GMDS: variants seen among roughly 807,000 people sequenced by gnomAD.
GMDS encodes the protein GDP-mannose 4,6 dehydratase.
In GMDS, 20 loss-of-function variants were observed where a neutral mutation model predicts 49.9. The observed-to-expected ratio is 0.40, with a 90% confidence interval of 0.28 to 0.58. The LOEUF (loss-of-function observed/expected upper bound fraction) is 0.58, where lower values mean the gene tolerates loss of function less well. Among genes scored for constraint, GMDS ranks in the 20% least tolerant of loss-of-function variants. GMDS has a pLI of 0.42. For missense variants in GMDS, 362 were observed against 481.4 expected (o/e 0.75, Z 2.32); for synonymous variants, 177 against 178.6 (o/e 0.99, Z 0.07).
intron 4 of GMDS, among the ~76,000 whole-genome samples, chr6:2,030,609 G>A (rs1282320534): frequency 3.9e-5 from 6 of 152,122 alleles, no homozygotes; most frequent in African/African-American, 7.2e-5. Flanking sequence ...AATGACATGT[G>A]CACACAGAAG....
chr6:2,063,651 A>G (rs1282354899), intron 4 of GMDS, among the ~76,000 whole-genome samples: 1 of 152,232 alleles, frequency 6.6e-6, no homozygotes, highest in African/African-American at 2.4e-5. Context: ...CAAACTCAAT[A>G]AAAGAGGTGA....
At chr6:1,628,146 T>A (rs906766776) in intron 9 of GMDS, among the ~76,000 whole-genome samples, 21 of 152,242 alleles carry the variant, frequency 1.4e-4, no homozygotes, top group African/African-American at 4.6e-4. Context: ...TTTTTTAGGC[T>A]TTCCTGGCTT....
At chr6:2,073,699 G>A (rs556113527) in intron 4 of GMDS, among the ~76,000 whole-genome samples, 4 of 151,940 alleles carry the variant, frequency 2.6e-5, no homozygotes, top group East Asian at 1.9e-4. Context: ...GGCATCTATC[G>A]TTCTACTCTT....
chr6:1,824,497 T>A (rs951456128), intron 7 of GMDS, among the ~76,000 whole-genome samples: 40 of 152,304 alleles, frequency 2.6e-4, no homozygotes, highest in Middle Eastern at 6.8e-3. Context: ...CGCCTGCTGA[T>A]CTGTGTTTTG....
chr6:2,195,559 G>A (rs1227944823), intron 1 of GMDS, among the ~76,000 whole-genome samples: 1 of 152,088 alleles, frequency 6.6e-6, no homozygotes, highest in Non-Finnish European at 1.5e-5. Context: ...CTTTTCAGGG[G>A]ATAAAGTAAG....
At chr6:1,946,039 T>A (rs1484493239) in intron 6 of GMDS, among the ~76,000 whole-genome samples, 4 of 152,190 alleles carry the variant, frequency 2.6e-5, no homozygotes, top group African/African-American at 9.7e-5. Flanking sequence ...TGGCAAAATT[T>A]CAGGTGAAAG....
At chr6:1,934,580 A>C (rs892724229) in intron 6 of GMDS, among the ~76,000 whole-genome samples, 1 of 152,204 alleles carries the variant, frequency 6.6e-6, no homozygotes, top group African/African-American at 2.4e-5. Flanking sequence ...TTTTCAGAGA[A>C]TAATTTTTAC....
At chr6:1,681,178 G>A (rs921831826) in intron 9 of GMDS, among the ~76,000 whole-genome samples, 2 of 151,692 alleles carry the variant, frequency 1.3e-5, no homozygotes, top group African/African-American at 4.8e-5. Context: ...CCCACCGAGA[G>A]GCGATGAGCA....
chr6:2,040,895 CA>C (rs1769635693), intron 4 of GMDS, among the ~76,000 whole-genome samples: 1 of 152,184 alleles, frequency 6.6e-6, no homozygotes, highest in South Asian at 2.1e-4. Flanking sequence ...AAACACAGCA[CA>C]AAAATACACA....
chr6:1,625,445 C>T (rs1028938712), intron 9 of GMDS: 2 of 152,280 alleles, frequency 1.3e-5, no homozygotes, highest in African/African-American at 4.8e-5. Context: ...CCGCCACCGT[C>T]CCCTCTGGCA....
chr6:1,846,678 G>A (rs1364227384), intron 7 of GMDS, among the ~76,000 whole-genome samples: 4 of 152,142 alleles, frequency 2.6e-5, no homozygotes, highest in Admixed American at 2.0e-4. Context: ...ATTGCAAACC[G>A]TACTCTGAAA....
intron 4 of GMDS, among the ~76,000 whole-genome samples, chr6:2,024,676 T>C (rs1037923366): frequency 6.6e-6 from 1 of 151,962 alleles, no homozygotes; most frequent in African/African-American, 2.4e-5. Context: ...AAGAAAATTC[T>C]ATCAGACTAG....
rs1453124118 is a variant in GMDS, at chr6:1,836,533, T to C, written c.771+93570A>G. Reference sequence around the variant, plus strand: ...ACTGAATCTGCAAAGTGCTGGTGCATACTTTATGATAAAATAGCTAATGTC... The same window carrying C: ...ACTGAATCTGCAAAGTGCTGGTGCACACTTTATGATAAAATAGCTAATGTC... On this transcript the variant is annotated intron_variant, in intron 7 of 10. Transcript: ENST00000380815. This position sits in a 1 kb window ranked among gnomAD's most constrained non-coding sequence, Gnocchi z 4.2. Among the ~76,000 whole-genome samples, 2 of 152,256 alleles carry C rather than the reference T, an allele frequency of 1.3e-5. No individual in the cohort carries two copies. The highest frequency in any genetic ancestry group is 2.9e-5 in the Non-Finnish European group (2 of 68,044).
intron 1 of GMDS, among the ~76,000 whole-genome samples, chr6:2,148,293 G>C (rs73716967): frequency 6.6e-6 from 1 of 152,312 alleles, no homozygotes; most frequent in African/African-American, 2.4e-5. Context: ...CCAGTTAATA[G>C]ATCTATTCAG....
intron 4 of GMDS, among the ~76,000 whole-genome samples, chr6:2,089,983 T>C (rs1032460488): frequency 4.6e-5 from 7 of 152,194 alleles, no homozygotes; most frequent in East Asian, 1.9e-4. Flanking sequence ...TTTGATCACA[T>C]AGGACTGTCA....
chr6:2,223,138 T>G (rs375256771), intron 1 of GMDS, among the ~76,000 whole-genome samples: 3 of 149,430 alleles, frequency 2.0e-5, no homozygotes, highest in Non-Finnish European at 4.5e-5. Flanking sequence ...AATAGCGCGC[T>G]CTCTCTCTCT....
chr6:1,876,455 G>A (rs1458890148), intron 7 of GMDS, among the ~76,000 whole-genome samples: 1 of 152,148 alleles, frequency 6.6e-6, no homozygotes, highest in Non-Finnish European at 1.5e-5. Context: ...AATAAATGTG[G>A]TGATTTGTTA....
intron 7 of GMDS, among the ~76,000 whole-genome samples, chr6:1,824,432 T>G (rs1561828881): frequency 6.6e-6 from 1 of 152,148 alleles, no homozygotes; most frequent in Non-Finnish European, 1.5e-5. Context: ...CCATACAAAA[T>G]TAACTATTCA....
chr6:1,918,510 C>A (rs1761530323), intron 7 of GMDS, among the ~76,000 whole-genome samples: 1 of 151,376 alleles, frequency 6.6e-6, no homozygotes, highest in Admixed American at 6.6e-5. Flanking sequence ...CTTTGGGGGG[C>A]CGAGGTGGAC....
Sources: gnomAD v4.1 joint callset for allele counts (sites outside exome capture counted in the v4.1 genomes callset) on GRCh38, gnomAD v4.1.1 for gene constraint, Gnocchi (gnomAD v3.1) non-coding constraint, MANE v1.5 for transcripts, NCBI Gene and HGNC (gene_info 2026-07-23, HGNC 2026-07-21) for gene names.